CAMK2D: variants seen among roughly 807,000 people sequenced by gnomAD.
CAMK2D encodes the protein calcium/calmodulin dependent protein kinase II delta.
In CAMK2D, 37 loss-of-function variants were observed where a neutral mutation model predicts 84.0. That is an observed-to-expected ratio of 0.44 (90% CI 0.34 to 0.58). CAMK2D has a LOEUF of 0.58. CAMK2D is among the 20% of genes least tolerant of loss of function. CAMK2D has a pLI of 0.02. For missense variants in CAMK2D, 448 were observed against 652.5 expected, an observed-to-expected ratio of 0.69 and a Z score of 3.41; for synonymous variants, 202 against 212.5, an observed-to-expected ratio of 0.95 and a Z score of 0.43.
At chr4:113,637,601 CA>C (rs1250320601) in intron 3 of CAMK2D, among the ~76,000 whole-genome samples, 2 of 152,058 alleles carry the variant, frequency 1.3e-5, no homozygotes, top group Non-Finnish European at 2.9e-5. Context: ...GGCACATAAT[CA>C]AAAATTTTTA....
intron 3 of CAMK2D, among the ~76,000 whole-genome samples, chr4:113,646,812 G>A (rs930161797): frequency 2.0e-5 from 3 of 152,198 alleles, no homozygotes; most frequent in African/African-American, 7.2e-5. Context: ...AGTTTCCGAG[G>A]AGAGGAAAGA....
At chr4:113,488,175 T>G (rs181836286) in intron 16 of CAMK2D, among the ~76,000 whole-genome samples, 6 of 152,222 alleles carry the variant, frequency 3.9e-5, no homozygotes, top group Admixed American at 3.3e-4. Context: ...GGACAATTTT[T>G]GTTAGGTAAT....
intron 8 of CAMK2D, among the ~76,000 whole-genome samples, chr4:113,518,562 C>T (rs931779939): frequency 6.6e-6 from 1 of 152,108 alleles, no homozygotes; most frequent in East Asian, 1.9e-4. Flanking sequence ...TTGCTTAAGG[C>T]CTTTGGTTTC....
rs149263249 is a variant in CAMK2D, at chr4:113,481,347, C to A, written c.1136-15743G>T. Among the ~76,000 whole-genome samples the A allele has an allele frequency of 5.3e-3, 811 of 152,130 alleles. 8 individuals carry two copies. Among genetic ancestry groups the A allele is most frequent in the African/African-American group, 0.018 (758 of 41,492 alleles). On this transcript the variant is annotated intron_variant, in intron 16 of 20. Coordinates refer to ENST00000511664, the MANE Select transcript of CAMK2D (RefSeq NM_001321571.2). The stretch of plus-strand genomic sequence containing the variant: ...AACAAAACAGACAAAAATCTCTGCT[C>A]TACAGAAACTTACATTTTAGTAGGG...
At chr4:113,713,347 T>C (rs1223271292) in intron 2 of CAMK2D, among the ~76,000 whole-genome samples, 3 of 151,198 alleles carry the variant, frequency 2.0e-5, no homozygotes, top group African/African-American at 4.8e-5. Context: ...CCTGCAGAAA[T>C]GGGTACAAGT....
intron 2 of CAMK2D, among the ~76,000 whole-genome samples, chr4:113,696,794 G>A (rs2099404192): frequency 6.6e-6 from 1 of 152,044 alleles, no homozygotes; most frequent in South Asian, 2.1e-4. Flanking sequence ...GGAGGGAACT[G>A]AACTGTAGAA....
At chr4:113,494,430 G>A (rs1564620290) in intron 16 of CAMK2D, among the ~76,000 whole-genome samples, 1 of 152,104 alleles carries the variant, frequency 6.6e-6, no homozygotes, top group South Asian at 2.1e-4. Flanking sequence ...CTGCTGGGGG[G>A]TGCCTCCCAG....
chr4:113,576,012 C>T (rs1489477294), intron 4 of CAMK2D, among the ~76,000 whole-genome samples: 9 of 151,954 alleles, frequency 5.9e-5, no homozygotes, highest in Non-Finnish European at 1.5e-5. Context: ...AGAAAATACT[C>T]GGTCATCACT....
At chr4:113,624,783 T>C (rs2099060829) in intron 3 of CAMK2D, among the ~76,000 whole-genome samples, 2 of 152,310 alleles carry the variant, frequency 1.3e-5, no homozygotes, top group South Asian at 4.1e-4. Context: ...CTCTGGTGAA[T>C]GATAAGCCCA....
chr4:113,672,075 G>T (rs907412427), intron 2 of CAMK2D, among the ~76,000 whole-genome samples: 4 of 151,864 alleles, frequency 2.6e-5, no homozygotes, highest in Non-Finnish European at 4.4e-5. Context: ...AGAATGTATT[G>T]TTTAAATTCT....
intron 13 of CAMK2D, among the ~76,000 whole-genome samples, chr4:113,506,322 T>C (rs1001968975): frequency 7.2e-5 from 11 of 152,340 alleles, no homozygotes; most frequent in African/African-American, 2.6e-4. Context: ...CTGGTATCGT[T>C]ATTTTTACAA....
intron 4 of CAMK2D, among the ~76,000 whole-genome samples, chr4:113,569,475 TG>T (rs2098742040): frequency 6.6e-6 from 1 of 152,232 alleles, no homozygotes; most frequent in Non-Finnish European, 1.5e-5. Flanking sequence ...CTAATAATTC[TG>T]GTACAATGTA....
At chr4:113,484,696 T>C (rs2097747919) in intron 16 of CAMK2D, among the ~76,000 whole-genome samples, 1 of 152,208 alleles carries the variant, frequency 6.6e-6, no homozygotes, top group Non-Finnish European at 1.5e-5. Context: ...AACACATTCC[T>C]TTATAGCCTT....
At chr4:113,760,852 C>T (rs569482598) in intron 1 of CAMK2D, 152 bp downstream of exon 1, 4 of 908,192 alleles carry the variant, frequency 4.4e-6, no homozygotes, top group East Asian at 2.6e-5. Flanking sequence ...TTTATTAAGA[C>T]AGCACCTTCC....
intron 2 of CAMK2D, among the ~76,000 whole-genome samples, chr4:113,712,698 TA>T (rs2099497639): frequency 6.6e-6 from 1 of 151,920 alleles, no homozygotes; most frequent in African/African-American, 2.4e-5. Flanking sequence ...TTTTATCACG[TA>T]AAAAATATAT....
intron 16 of CAMK2D, among the ~76,000 whole-genome samples, chr4:113,489,394 G>GT (rs11346484): frequency 7.4e-5 from 11 of 149,400 alleles, no homozygotes; most frequent in South Asian, 2.1e-4. Context: ...GCGGTGTTTG[G>GT]TTTTTTTGTT....
At position 113,500,470 on chromosome 4, in the gene CAMK2D, A is replaced by T; in HGVS notation, c.1128T>A (p.Asp376Glu). Residue 376 changes from aspartate (D) to glutamate (E), a missense_variant, in exon 16 of 21, where the codon GAT (aspartate) becomes GAA (glutamate). By Grantham distance (45) the Asp-to-Glu change is conservative. Transcript: ENST00000511664. ...ESSNTTIEDE[D>E]VKARKQEIIK... ...TTTCTGGTTAAATCATACCTTTCAC[A>T]TCTTCATCCTCAATTGTTGTATTTG... The T allele has an allele frequency of 6.3e-7, 1 of 1,593,638 alleles. No individual in the cohort carries two copies.
chr4:113,741,284 G>C (rs2099592225), intron 2 of CAMK2D, among the ~76,000 whole-genome samples: 1 of 152,148 alleles, frequency 6.6e-6, no homozygotes, highest in African/African-American at 2.4e-5. Context: ...AAGATCTATG[G>C]TAAGAATAAA....
chr4:113,496,084 C>T (rs2097924340), intron 16 of CAMK2D, among the ~76,000 whole-genome samples: 1 of 152,206 alleles, frequency 6.6e-6, no homozygotes, highest in Non-Finnish European at 1.5e-5. Context: ...ACTGTGGCTA[C>T]AGCCACAAAC....
Sources: gnomAD v4.1 joint callset for allele counts (sites outside exome capture counted in the v4.1 genomes callset) on GRCh38, gnomAD v4.1.1 for gene constraint, MANE v1.5 for transcripts, NCBI Gene and HGNC (gene_info 2026-07-23, HGNC 2026-07-21) for gene names.